USP12: variants seen among roughly 807,000 people sequenced by gnomAD.
USP12 encodes the protein ubiquitin specific peptidase 12, also known as ubiquitin carboxyl-terminal hydrolase 12.
USP12 carries 19 observed loss-of-function variants against 45.5 expected under a neutral mutation model. The observed-to-expected ratio is 0.42, with a 90% CI of 0.29 to 0.61. The LOEUF is 0.61. USP12 is among the 20% of genes least tolerant of loss of function. The pLI is 0.22. For synonymous variants in USP12, 149 were observed against 148.8 expected (o/e 1.00, Z -0.01); for missense variants, 242 against 447.7 (o/e 0.54, Z 4.15).
Position 27,067,282 on chromosome 13 carries a change from A to C in USP12, c.*2001T>G, listed in dbSNP as rs1323479294. ...CACTTTCCTCTTTTTCTCTGTACCGAAAGCTGCAGAAATACAGCTTTAATT... is the reference window on the plus strand; with the variant it reads ...CACTTTCCTCTTTTTCTCTGTACCGCAAGCTGCAGAAATACAGCTTTAATT... On this transcript the variant is annotated 3_prime_UTR_variant, in exon 9 of 9. Coordinates refer to ENST00000282344, the MANE Select transcript of USP12 (RefSeq NM_182488.4). 1 of 152,180 alleles carries C rather than the reference A, an allele frequency of 6.6e-6. No homozygotes were observed. The highest frequency in any genetic ancestry group is 1.9e-4 in the East Asian group (1 of 5,200). The allele number at this position is 152,180 out of a possible 1,614,324, so 9.4% of individuals were successfully genotyped here.
intron 1 of USP12, among the ~76,000 whole-genome samples, chr13:27,122,720 A>G (rs1159531030): frequency 6.6e-6 from 1 of 152,136 alleles, no homozygotes; most frequent in African/African-American, 2.4e-5. Context: ...AGAACTAAAC[A>G]AGGTTAATAT....
At chr13:27,090,481 A>T (rs1270735263) in intron 4 of USP12, among the ~76,000 whole-genome samples, 4 of 152,160 alleles carry the variant, frequency 2.6e-5, no homozygotes, top group Admixed American at 6.5e-5. Flanking sequence ...ACTGATTCTT[A>T]AAAAAACATA....
intron 1 of USP12, among the ~76,000 whole-genome samples, chr13:27,165,246 T>C (rs939430759): frequency 1.1e-4 from 16 of 152,140 alleles, no homozygotes; most frequent in African/African-American, 3.4e-4. Flanking sequence ...CTATGAACTA[T>C]TCAAAATAGA....
At chr13:27,123,397 T>C (rs1593196022) in intron 1 of USP12, among the ~76,000 whole-genome samples, 1 of 152,214 alleles carries the variant, frequency 6.6e-6, no homozygotes, top group East Asian at 1.9e-4. Flanking sequence ...TGTTGGATAG[T>C]CTATTAAAAG....
chr13:27,147,003 G>C (rs897460412), intron 1 of USP12, among the ~76,000 whole-genome samples: 5 of 152,218 alleles, frequency 3.3e-5, no homozygotes, highest in African/African-American at 1.2e-4. Flanking sequence ...GCTGCCGGAA[G>C]CAAGTAGAGA....
intron 2 of USP12, among the ~76,000 whole-genome samples, chr13:27,109,995 T>C (rs930208273): frequency 1.3e-5 from 2 of 151,282 alleles, no homozygotes; most frequent in East Asian, 1.9e-4. Flanking sequence ...TATTAAGAAA[T>C]TGTTGACTTT....
At chr13:27,092,948 G>A (rs1874383597) in intron 4 of USP12, among the ~76,000 whole-genome samples, 1 of 152,162 alleles carries the variant, frequency 6.6e-6, no homozygotes, top group Non-Finnish European at 1.5e-5. Context: ...TGTAATTCCA[G>A]CACTTTAGGA....
intron 2 of USP12, among the ~76,000 whole-genome samples, chr13:27,106,406 A>C (rs559121416): frequency 2.0e-5 from 1 of 50,724 alleles, no homozygotes; most frequent in South Asian, 7.1e-4. Flanking sequence ...GAGACGGGGG[A>C]GGGGGCGGGC....
At chr13:27,078,339 T>C (rs983556740) in intron 6 of USP12, among the ~76,000 whole-genome samples, 1 of 152,210 alleles carries the variant, frequency 6.6e-6, no homozygotes, top group Non-Finnish European at 1.5e-5. Context: ...GCATAGGTCA[T>C]ATGCAAATGC....
intron 2 of USP12, among the ~76,000 whole-genome samples, chr13:27,113,510 A>T (rs545559480): frequency 4.6e-5 from 7 of 152,062 alleles, no homozygotes; most frequent in African/African-American, 1.4e-4. Flanking sequence ...CACGCTTCTT[A>T]CTCCAGCAGA....
intron 1 of USP12, among the ~76,000 whole-genome samples, chr13:27,163,926 A>G (rs1168791993): frequency 1.3e-5 from 2 of 152,158 alleles, no homozygotes; most frequent in Non-Finnish European, 1.5e-5. Flanking sequence ...CAGCACAACT[A>G]TAACCCACTC....
intron 7 of USP12, among the ~76,000 whole-genome samples, chr13:27,072,205 G>C (rs1395291470): frequency 6.6e-6 from 1 of 152,052 alleles, no homozygotes; most frequent in African/African-American, 2.4e-5. Context: ...CTCATCTAAA[G>C]GGTCTTGTGT....
intron 1 of USP12, among the ~76,000 whole-genome samples, chr13:27,139,850 C>A (rs1341777588): frequency 6.6e-6 from 1 of 152,086 alleles, no homozygotes; most frequent in Non-Finnish European, 1.5e-5. Context: ...ACAGGTGATA[C>A]AAAGTTATGA....
At chr13:27,088,640 C>A (rs554016176) in intron 6 of USP12, among the ~76,000 whole-genome samples, 71 of 152,090 alleles carry the variant, frequency 4.7e-4, no homozygotes, top group African/African-American at 1.6e-3. Flanking sequence ...CATGACTAGC[C>A]CCAAATAAAA....
At chr13:27,111,979 T>G (rs1875469762) in intron 2 of USP12, among the ~76,000 whole-genome samples, 2 of 152,222 alleles carry the variant, frequency 1.3e-5, no homozygotes, top group Admixed American at 6.5e-5. Flanking sequence ...CTACCTTTAC[T>G]TTTTAAATCA....
At chr13:27,164,583 A>C (rs1440891867) in intron 1 of USP12, among the ~76,000 whole-genome samples, 3 of 150,706 alleles carry the variant, frequency 2.0e-5, no homozygotes, top group Non-Finnish European at 4.5e-5. Context: ...GCAAAGACTT[A>C]CTAGTTTTTC....
chr13:27,109,359 A>G (rs942624609), intron 2 of USP12, among the ~76,000 whole-genome samples: 5 of 152,210 alleles, frequency 3.3e-5, no homozygotes, highest in Non-Finnish European at 7.3e-5. Flanking sequence ...TCTTGCCTTA[A>G]GCAAAATCAC....
chr13:27,138,418 G>C lies in USP12; in HGVS notation c.49-21822C>G, dbSNP rs76881888. Among the ~76,000 whole-genome samples the C allele has an allele frequency of 4.5e-3, 688 of 152,260 alleles. 6 individuals carry two copies. Among genetic ancestry groups the C allele is most frequent in the African/African-American group, 0.016 (652 of 41,550 alleles). ...ATTTATGAACAGAAGCAATGTCTTG[G>C]GCAGCTGAGAGATGGTGTATCCCCT... On this transcript the variant is annotated intron_variant, in intron 1 of 8. Transcript: ENST00000282344.
rs139874485 is a variant in USP12 at position 27,140,295 on chromosome 13, AG to A, written c.49-23700del. On this transcript the variant is annotated intron_variant, in intron 1 of 8. Coordinates refer to ENST00000282344, the MANE Select transcript of USP12 (RefSeq NM_182488.4). ...CGTTCTATTTCTTAATATTGGAGCT[AG>A]TTGCATAGTACACGTGTAGTTTGTC... 8.0e-3 allele frequency among the ~76,000 whole-genome samples: 1,217 copies of A among 152,338 alleles called. 14 individuals are homozygous for A. The highest frequency in any genetic ancestry group is 0.027 in the African/African-American group (1,141 of 41,570).
Sources: gnomAD v4.1 joint callset for allele counts (sites outside exome capture counted in the v4.1 genomes callset) on GRCh38, gnomAD v4.1.1 for gene constraint, MANE v1.5 for transcripts, NCBI Gene and HGNC (gene_info 2026-07-23, HGNC 2026-07-21) for gene names.